Variants in RBL2 observed in about 807,000 individuals in gnomAD.
RBL2 encodes retinoblastoma-like protein 2.
A neutral mutation model predicts 126.0 loss-of-function variants in RBL2; 56 were observed. That is an observed-to-expected ratio of 0.44 (90% CI 0.36 to 0.56). The LOEUF (loss-of-function observed/expected upper bound fraction) is 0.56, where lower values mean the gene tolerates loss of function less well. RBL2 is among the 20% of genes least tolerant of loss of function. The pLI, the probability that RBL2 is intolerant of heterozygous loss-of-function variation, is 0.00. For synonymous variants in RBL2, 454 were observed against 478.5 expected, an observed-to-expected ratio of 0.95 and a Z score of 0.67; for missense variants, 1,229 against 1,398.2, an observed-to-expected ratio of 0.88 and a Z score of 1.93.
intron 13 of RBL2, 47 bp downstream of exon 13, chr16:53,465,649 A>G: frequency 7.2e-7 from 1 of 1,389,912 alleles, no homozygotes; most frequent in South Asian, 1.6e-5. Context: ...ATCAATATCT[A>G]ATCTATTAAT....
chr16:53,438,995 C>A (rs1469394522), intron 1 of RBL2, 21 bp from the exon 2 acceptor site: 5 of 1,496,436 alleles, frequency 3.3e-6, no homozygotes, highest in South Asian at 2.7e-5. Context: ...AACTAAAAAT[C>A]AATTTTCTTT....
chr16:53,463,867 C>A (rs1001470032), intron 11 of RBL2, among the ~76,000 whole-genome samples: 1 of 152,002 alleles, frequency 6.6e-6, no homozygotes, highest in African/African-American at 2.4e-5. Flanking sequence ...GCGCCCGGTC[C>A]CCCTTTCAGT....
chr16:53,483,591 T>C (rs562418161), intron 21 of RBL2, among the ~76,000 whole-genome samples: 40 of 151,334 alleles, frequency 2.6e-4, no homozygotes, highest in African/African-American at 9.7e-4. Flanking sequence ...CAAAAATCTG[T>C]TAGAAAATGT....
chr16:53,479,473 A>G (rs546714816), intron 18 of RBL2: 7 of 534,464 alleles, frequency 1.3e-5, no homozygotes, highest in Non-Finnish European at 2.3e-5. Flanking sequence ...GATAGGAATT[A>G]AGAAGTTACT....
rs1413784025 is a variant in RBL2, at chr16:53,483,408, T to C, written c.3249+1573T>C. The stretch of plus-strand genomic sequence containing the variant: ...CCCCATCCCTACAACAAATAAAAAT[T>C]AGCTGAGCATGGTGCCATGCACCTG... On this transcript the variant is annotated intron_variant, in intron 21 of 21. Transcript: ENST00000262133. Among the ~76,000 whole-genome samples the C allele has an allele frequency of 2.0e-5, 3 of 152,194 alleles. No individual in the cohort carries two copies. In the South Asian group the frequency reaches 6.2e-4, roughly 32 times the overall value.
At chr16:53,465,707 A>G in intron 13 of RBL2, 105 bp downstream of exon 13, 2 of 906,680 alleles carry the variant, frequency 2.2e-6, no homozygotes, top group South Asian at 6.2e-5. Context: ...ATATGTTATA[A>G]TTACACCTTG....
chr16:53,481,937 C>G, intron 21 of RBL2, 102 bp downstream of exon 21: 4 of 1,350,642 alleles, frequency 3.0e-6, no homozygotes, highest in Non-Finnish European at 4.2e-6. Flanking sequence ...GTGATGAGAG[C>G]TGCCAGGGAG....
Position 53,490,365 on chromosome 16 carries a change from T to C in RBL2, c.*65T>C. 7 of 1,375,100 alleles carry C rather than the reference T, an allele frequency of 5.1e-6. No homozygotes were observed. Among genetic ancestry groups the C allele is most frequent in the Non-Finnish European group, 6.9e-6 (7 of 1,021,588 alleles). The allele number at this position is 1,375,100 out of a possible 1,614,324, so 85.2% of individuals were successfully genotyped here. On this transcript the variant is annotated 3_prime_UTR_variant, in exon 22 of 22. Coordinates refer to ENST00000262133, the MANE Select transcript of RBL2 (RefSeq NM_005611.4). ...AGCAGCAGCCTTTAATGCATCTAGA[T>C]TATGGAGCTTTTTTCCTTAATCCAG...
At chr16:53,457,264 T>C (rs1167952460) in intron 8 of RBL2, among the ~76,000 whole-genome samples, 4 of 118,724 alleles carry the variant, frequency 3.4e-5, no homozygotes, top group African/African-American at 7.5e-5. Flanking sequence ...ATAGCTTTTT[T>C]TTTTTTTTTT....
chr16:53,445,235 G>A (rs1267060033), intron 3 of RBL2, among the ~76,000 whole-genome samples: 1 of 151,888 alleles, frequency 6.6e-6, no homozygotes, highest in African/African-American at 2.4e-5. Context: ...GCTGAGGTGG[G>A]GGGATCACTT....
chr16:53,443,270 G>T (rs375995834), intron 3 of RBL2: 3 of 152,772 alleles, frequency 2.0e-5, no homozygotes, highest in Non-Finnish European at 4.4e-5. Context: ...TTTTTATTGC[G>T]CAGGGGCCAT....
intron 2 of RBL2, among the ~76,000 whole-genome samples, chr16:53,439,456 AG>A (rs776953671): frequency 2.0e-5 from 3 of 152,218 alleles, no homozygotes; most frequent in Non-Finnish European, 4.4e-5. Flanking sequence ...AAACTTTAGG[AG>A]ATACTCCAAG....
chr16:53,464,550 G>A (rs1272431896), intron 12 of RBL2, 187 bp downstream of exon 12: 16 of 474,226 alleles, frequency 3.4e-5, no homozygotes, highest in Non-Finnish European at 5.2e-5. Flanking sequence ...AATATTGTAT[G>A]AAAGATCTAT....
intron 4 of RBL2, chr16:53,448,948 C>T (rs932542594): frequency 1.3e-5 from 2 of 152,204 alleles, no homozygotes; most frequent in African/African-American, 4.8e-5. Context: ...TTTGATTTGT[C>T]CTGGTCCCTC....
chr16:53,479,347 G>C lies in RBL2; in HGVS notation c.2775+122G>C, dbSNP rs1933394540. On this transcript the variant is annotated intron_variant, in intron 18 of 21. Coordinates refer to ENST00000262133, the MANE Select transcript of RBL2 (RefSeq NM_005611.4). ...GATAAACACCTGGGACTCTACTTAA[G>C]GGAAGTTTCTACTTTAATCTTTATT... 5.2e-6 allele frequency: 4 copies of C among 772,152 alleles called. No individual in the cohort carries two copies. In the Admixed American group the frequency reaches 1.1e-4, roughly 22 times the overall value. The allele number at this position is 772,152 out of a possible 1,614,324, so 47.8% of individuals were successfully genotyped here.
At chr16:53,447,239 T>G (rs968164217) in intron 4 of RBL2, 133 bp downstream of exon 4, 1 of 489,784 alleles carries the variant, frequency 2.0e-6, no homozygotes, top group African/African-American at 2.0e-5. Context: ...AATCCTAGAT[T>G]CTTTTTTAAG....
At position 53,479,989 on chromosome 16, in the gene RBL2, G is replaced by C. The variant is rs1421030666; in HGVS notation, c.2879G>C (p.Arg960Thr). The change falls in exon 19 of 22, where the codon AGA becomes ACA. Residue 960 changes from arginine (R) to threonine (T), a missense_variant and splice_region_variant. By Grantham distance (71) the Arg-to-Thr change is moderately conservative. Coordinates refer to ENST00000262133, the MANE Select transcript of RBL2 (RefSeq NM_005611.4). ...QNSPTELNKD[R>T]TSRDSSPVMR... Reference sequence around the variant, plus strand: ...TCTCCAACAGAACTAAACAAAGATAGAAGTAAGTGGGATCTTTGTGAACTA... The same window carrying C: ...TCTCCAACAGAACTAAACAAAGATACAAGTAAGTGGGATCTTTGTGAACTA... 2 of 1,581,296 alleles carry C rather than the reference G, an allele frequency of 1.3e-6. No individual in the cohort carries two copies. The highest frequency in any genetic ancestry group is 1.7e-6 in the Non-Finnish European group (2 of 1,158,392).
At chr16:53,486,158 G>A (rs1282327346) in intron 21 of RBL2, among the ~76,000 whole-genome samples, 1 of 151,138 alleles carries the variant, frequency 6.6e-6, no homozygotes, top group Non-Finnish European at 1.5e-5. Context: ...CAGGTGTGGT[G>A]GGGTTGGTGA....
rs1477009456 is a variant in RBL2, at chr16:53,490,441, T to A, written c.*141T>A. On this transcript the variant is annotated 3_prime_UTR_variant, in exon 22 of 22. Transcript: ENST00000262133. ...CATGAGGGGACATTTTGGTGAGAAATGGGACTTAACTCCTTCCAGTGTCCT... is the reference window on the plus strand; with the variant it reads ...CATGAGGGGACATTTTGGTGAGAAAAGGGACTTAACTCCTTCCAGTGTCCT... 1.1e-5 allele frequency: 7 copies of A among 636,562 alleles called. No individual in the cohort carries two copies. Among genetic ancestry groups the A allele is most frequent in the Non-Finnish European group, 2.4e-6 (1 of 408,660 alleles). The allele number at this position is 636,562 out of a possible 1,614,324, so 39.4% of individuals were successfully genotyped here.
Sources: allele counts gnomAD v4.1 joint callset (sites outside exome capture counted in the v4.1 genomes callset), GRCh38; gene constraint gnomAD v4.1.1; transcripts MANE v1.5; gene names NCBI Gene and HGNC (gene_info 2026-07-23, HGNC 2026-07-21).